INPP5F: variants seen among roughly 807,000 people sequenced by gnomAD.
INPP5F encodes the protein phosphatidylinositide 4-phosphatase SAC2.
INPP5F carries 97 observed loss-of-function variants against 137.2 expected under a neutral mutation model. The ratio of observed to expected loss-of-function variants is 0.71; its 90% confidence interval spans 0.60 to 0.84. INPP5F has a LOEUF of 0.84. Ranked by LOEUF, INPP5F falls within the 40% of genes least tolerant of loss-of-function variation. The pLI is 0.00. For missense variants in INPP5F, 1,271 were observed against 1,371.9 expected (o/e 0.93, Z 1.16); for synonymous variants, 504 against 476.9 (o/e 1.06, Z -0.74).
intron 1 of INPP5F, among the ~76,000 whole-genome samples, chr10:119,743,151 T>C (rs78988653): frequency 0.047 from 7,144 of 152,302 alleles, 223 homozygotes; most frequent in Middle Eastern, 0.078. Flanking sequence ...TTTTGCCACC[T>C]TAAGTAGTAA....
chr10:119,741,615 A>C (rs1848377465), intron 1 of INPP5F, among the ~76,000 whole-genome samples: 1 of 152,088 alleles, frequency 6.6e-6, no homozygotes, highest in South Asian at 2.1e-4. Context: ...GCTCATTGCA[A>C]CCTACGCCTC....
rs1850172435 is a variant in INPP5F at position 119,792,220 on chromosome 10, A to G, written c.669+7A>G. The G allele has an allele frequency of 1.2e-6, 2 of 1,600,066 alleles. No individual in the cohort carries two copies. Among genetic ancestry groups the G allele is most frequent in the African/African-American group, 1.3e-5 (1 of 74,568 alleles). ...AGATCTTACTGAGATTGGTGTGAGT[A>G]GTTGTTTCTAAAATTTCCTAACCGT... On this transcript the variant is annotated splice_region_variant and intron_variant, in intron 6 of 19. Transcript: ENST00000650623.
At chr10:119,729,745 T>A (rs1848000417) in intron 1 of INPP5F, among the ~76,000 whole-genome samples, 1 of 114,312 alleles carries the variant, frequency 8.7e-6, no homozygotes, top group Non-Finnish European at 1.8e-5. Context: ...ACCTGGCTAA[T>A]TTTTTTTTTT....
rs1377296144 is a variant in INPP5F at position 119,781,663 on chromosome 10, G to A, written c.207G>A (p.Arg69=). 2 of 1,610,742 alleles carry A rather than the reference G, an allele frequency of 1.2e-6. No individual in the cohort carries two copies. The highest frequency in any genetic ancestry group is 1.7e-5 in the Admixed American group (1 of 59,896). ...TTCCATGGTGGCTTATTCTAATTCG[G>A]CAGAAAGCATTGGTGGGCAAACTCC... The part of the protein sequence containing the change: ...SDLPWWLILI[R]QKALVGKLPG... The change falls in exon 3 of 20, where the codon CGG becomes CGA. Residue 69 remains arginine, a synonymous_variant. Coordinates refer to ENST00000650623, the MANE Select transcript of INPP5F (RefSeq NM_014937.4).
intron 2 of INPP5F, among the ~76,000 whole-genome samples, chr10:119,769,675 TCTC>T (rs1849280304): frequency 6.6e-6 from 1 of 152,122 alleles, no homozygotes; most frequent in Admixed American, 6.6e-5. Context: ...GCATCCATCT[TCTC>T]CTGCTCTTGG....
At chr10:119,803,743 A>T (rs1850672764) in intron 9 of INPP5F, among the ~76,000 whole-genome samples, 1 of 152,206 alleles carries the variant, frequency 6.6e-6, no homozygotes, top group African/African-American at 2.4e-5. Context: ...GCTGCCTAGT[A>T]ACATGGTATA....
intron 2 of INPP5F, among the ~76,000 whole-genome samples, chr10:119,754,306 G>C (rs563119236): frequency 6.6e-6 from 1 of 152,222 alleles, no homozygotes. Context: ...ATGTACAAAT[G>C]TAAGTTTGTT....
rs554922426 is a variant in INPP5F, at chr10:119,805,726, C to T, written c.1319+265C>T. 7.9e-5 allele frequency among the ~76,000 whole-genome samples: 12 copies of T among 152,316 alleles called. No homozygotes were observed. The South Asian group carries it at 2.5e-3, about 32-fold the overall frequency. On this transcript the variant is annotated intron_variant, in intron 11 of 19. Transcript: ENST00000650623. ...GGACATGAATTTATTCCTTCTCATG[C>T]CCCACGGTCCACATTTTCTCTTTCT...
intron 1 of INPP5F, among the ~76,000 whole-genome samples, chr10:119,745,699 CTTTT>C (rs35485618): frequency 4.4e-5 from 4 of 90,532 alleles, no homozygotes; most frequent in Non-Finnish European, 6.1e-5. Context: ...AGGCTCATTC[CTTTT>C]TTTTTTTTTT....
intron 16 of INPP5F, among the ~76,000 whole-genome samples, chr10:119,821,216 A>G (rs1851546259): frequency 6.6e-6 from 1 of 152,170 alleles, no homozygotes; most frequent in African/African-American, 2.4e-5. Context: ...ATACGTTTTT[A>G]TCACTAATGA....
chr10:119,821,209 C>T lies in INPP5F; in HGVS notation c.1958+292C>T, dbSNP rs1318293275. Among the ~76,000 whole-genome samples the T allele has an allele frequency of 3.3e-5, 5 of 152,146 alleles. No individual in the cohort carries two copies. The South Asian group carries it at 6.2e-4, about 19-fold the overall frequency. On this transcript the variant is annotated intron_variant, in intron 16 of 19. Transcript: ENST00000650623. ...TTCCCAGGTTTTGATGTATTCCATACGTTTTTATCACTAATGACCACGTAT... is the reference window on the plus strand; with the variant it reads ...TTCCCAGGTTTTGATGTATTCCATATGTTTTTATCACTAATGACCACGTAT...
chr10:119,737,753 A>G (rs950962268), intron 1 of INPP5F, among the ~76,000 whole-genome samples: 1 of 152,242 alleles, frequency 6.6e-6, no homozygotes, highest in Non-Finnish European at 1.5e-5. Context: ...TGAGCTAACA[A>G]TTGGAACTTT....
chr10:119,816,363 C>CA (rs1851278310), intron 15 of INPP5F: 1 of 152,188 alleles, frequency 6.6e-6, no homozygotes, highest in South Asian at 2.1e-4. Context: ...CAGCGGATGT[C>CA]ATGTGCTGTT....
chr10:119,731,541 A>G (rs1472362120), intron 1 of INPP5F, among the ~76,000 whole-genome samples: 2 of 152,036 alleles, frequency 1.3e-5, no homozygotes, highest in Non-Finnish European at 2.9e-5. Context: ...GCGGGTGCCT[A>G]TAATCCCAAC....
At chr10:119,731,317 A>G (rs978617122) in intron 1 of INPP5F, among the ~76,000 whole-genome samples, 1 of 150,510 alleles carries the variant, frequency 6.6e-6, no homozygotes, top group Non-Finnish European at 1.5e-5. Context: ...GTTTTGTGGC[A>G]TTTGGTATTT....
At chr10:119,785,284 C>CTTTTTTTTTTTTT (rs1440327192) in intron 3 of INPP5F, among the ~76,000 whole-genome samples, 2 of 81,610 alleles carry the variant, frequency 2.5e-5, no homozygotes, top group African/African-American at 8.6e-5. Flanking sequence ...AACTGCCAGA[C>CTTTTTTTTTTTTT]TGTTTTTTTT....
intron 1 of INPP5F, among the ~76,000 whole-genome samples, chr10:119,746,014 GT>G (rs1764673383): frequency 6.6e-6 from 1 of 152,036 alleles, no homozygotes; most frequent in Non-Finnish European, 1.5e-5. Flanking sequence ...GCTCATTACT[GT>G]TTATTCAAGT....
chr10:119,812,016 A>G, intron 15 of INPP5F, 61 bp downstream of exon 15: 1 of 1,296,760 alleles, frequency 7.7e-7, no homozygotes, highest in South Asian at 1.2e-5. Context: ...AGTTGTCATG[A>G]TTAACACTGG....
intron 2 of INPP5F, among the ~76,000 whole-genome samples, chr10:119,752,029 G>C (rs1016343054): frequency 6.6e-6 from 1 of 152,166 alleles, no homozygotes; most frequent in Non-Finnish European, 1.5e-5. Flanking sequence ...CATTATTTCT[G>C]TATAATTGTG....
Sources: allele counts gnomAD v4.1 joint callset (sites outside exome capture counted in the v4.1 genomes callset), GRCh38; gene constraint gnomAD v4.1.1; transcripts MANE v1.5; gene names NCBI Gene and HGNC (gene_info 2026-07-23, HGNC 2026-07-21).